Variants in MYBPH observed in about 807,000 individuals in gnomAD.
MYBPH encodes the protein myosin binding protein H, also known as myosin-binding protein H.
In MYBPH, 49 loss-of-function variants were observed where a neutral mutation model predicts 53.6. The observed-to-expected ratio is 0.91, with a 90% CI of 0.73 to 1.16. The LOEUF (loss-of-function observed/expected upper bound fraction) is 1.16. Ranked by LOEUF, MYBPH falls within the 50% of genes most tolerant of loss-of-function variation. The pLI, the probability that MYBPH is intolerant of heterozygous loss-of-function variation, is 0.00. For synonymous variants in MYBPH, 239 were observed against 249.6 expected (o/e 0.96, Z 0.40); for missense variants, 558 against 624.1 (o/e 0.89, Z 1.13).
intron 8 of MYBPH, 27 bp from the exon 9 acceptor site, chr1:203,169,119 G>A (rs1170569842): frequency 1.2e-6 from 2 of 1,611,486 alleles, no homozygotes; most frequent in African/African-American, 1.3e-5. Context: ...GAAGAGAGCT[G>A]GGGAGGTATG....
At position 203,175,682 on chromosome 1, in the gene MYBPH, G is replaced by C; in HGVS notation, c.74C>G (p.Pro25Arg). 1 of 1,614,078 alleles carries C rather than the reference G, an allele frequency of 6.2e-7. No individual in the cohort carries two copies. Among genetic ancestry groups the C allele is most frequent in the Non-Finnish European group, 8.5e-7 (1 of 1,180,000 alleles). The change falls in exon 1 of 11, where the codon CCC (proline) becomes CGC (arginine). Residue 25 changes from proline to arginine, a missense_variant. Physicochemically the swap from Pro to Arg is moderately radical, Grantham distance 103. Coordinates refer to ENST00000255416, the MANE Select transcript of MYBPH (RefSeq NM_004997.3). The part of the protein sequence containing the change: ...EETASESAKV[P>R]TAEPPGEVAV... Reference sequence around the variant, plus strand: ...CACTTCTCCGGGAGGCTCTGCTGTGGGCACCTTGGCAGATTCAGATGCGGT... The same window carrying C: ...CACTTCTCCGGGAGGCTCTGCTGTGCGCACCTTGGCAGATTCAGATGCGGT...
chr1:203,168,762 A>G, intron 9 of MYBPH, 87 bp from the exon 10 acceptor site: 1 of 1,598,020 alleles, frequency 6.3e-7, no homozygotes, highest in Non-Finnish European at 8.6e-7. Context: ...ACACCTGTCC[A>G]CCCTGCCGCT....
At chr1:203,174,645 G>A (rs1278845943) in intron 2 of MYBPH, 48 bp from the exon 3 acceptor site, 15 of 1,469,876 alleles carry the variant, frequency 1.0e-5, no homozygotes, top group African/African-American at 4.2e-5. Context: ...GGCCACAGGC[G>A]CCCCTCTCCA....
At chr1:203,170,998 G>A (rs1265444199) in intron 6 of MYBPH, 63 bp downstream of exon 6, 1 of 1,515,894 alleles carries the variant, frequency 6.6e-7, no homozygotes, top group African/African-American at 1.4e-5. Flanking sequence ...TCAGTGGGAT[G>A]GGCCTTCCCC....
chr1:203,171,146 GCATTGC>G lies in MYBPH; in HGVS notation c.842_847del (p.Cys281_Ala283delinsSer). 6.2e-7 allele frequency: 1 copy of G among 1,613,368 alleles called. No homozygotes were observed. The highest frequency in any genetic ancestry group is 8.5e-7 in the Non-Finnish European group (1 of 1,179,620). ...CTGGGGTGGCGTCCACTGAAGAGCA[GCATTGC>G]AGCCCCAGACGTCCAGGAGCCTGAT... On this transcript the variant is annotated inframe_deletion, in exon 6 of 11. Transcript: ENST00000255416. This position sits in a 1 kb window ranked among gnomAD's most constrained non-coding sequence, Gnocchi z 4.2.
rs910270309 is a variant in MYBPH, at chr1:203,175,324, C to T, written c.340+3G>A. The T allele has an allele frequency of 2.6e-6, 4 of 1,519,026 alleles. No individual in the cohort carries two copies. The highest frequency in any genetic ancestry group is 2.6e-6 in the Non-Finnish European group (3 of 1,135,852). 94.1% of individuals were successfully genotyped at this position (1,519,026 alleles called of 1,614,324 possible). A position where few individuals can be genotyped will look rare whatever the true frequency, so the allele number is the denominator to read the frequency against. On this transcript the variant is annotated splice_donor_region_variant and intron_variant, in intron 2 of 10. Transcript: ENST00000255416. ...TGTATGCAAGACTTAGCCCAGCACT[C>T]ACCTCCCTCTCTGCAGAGCTCCAGC...
chr1:203,170,291 C>G lies in MYBPH; in HGVS notation c.1093G>C (p.Asp365His), dbSNP rs1421518698. 4.3e-6 allele frequency: 7 copies of G among 1,613,982 alleles called. No individual in the cohort carries two copies. In the East Asian group the frequency reaches 1.1e-4, roughly 26 times the overall value. The change falls in exon 7 of 11, where the codon GAT (aspartate) becomes CAT (histidine). Residue 365 changes from aspartate (D) to histidine (H), a missense_variant and splice_region_variant. Physicochemically the swap from Asp to His is moderately conservative, Grantham distance 81. Coordinates refer to ENST00000255416, the MANE Select transcript of MYBPH (RefSeq NM_004997.3). ...TKELAHIQKADIAAKPKGFIE... is the reference protein window; with the variant it reads ...TKELAHIQKAHIAAKPKGFIE... The stretch of plus-strand genomic sequence containing the variant: ...CAGCCAGCTCCGGGCCCAAACCCAC[C>G]TGCCTTCTGGATGTGGGCGAGCTCC...
chr1:203,170,139 T>C, intron 7 of MYBPH, 152 bp downstream of exon 7: 1 of 871,078 alleles, frequency 1.1e-6, no homozygotes, highest in Non-Finnish European at 1.7e-6. Context: ...AGCCACTCCA[T>C]GTGTGTGTAT....
chr1:203,174,053 C>T (rs1244133205), intron 3 of MYBPH, among the ~76,000 whole-genome samples: 2 of 152,172 alleles, frequency 1.3e-5, no homozygotes, highest in Non-Finnish European at 2.9e-5. Flanking sequence ...AATCTGGAAC[C>T]CAGGCCACAG....
intron 10 of MYBPH, 103 bp downstream of exon 10, chr1:203,168,524 T>C: frequency 8.5e-7 from 1 of 1,169,782 alleles, no homozygotes; most frequent in South Asian, 1.3e-5. Context: ...TCCACAGAGC[T>C]GACCACCACC....
Position 203,171,004 on chromosome 1 carries a change from T to C in MYBPH, c.933+57A>G. 1 of 1,519,428 alleles carries C rather than the reference T, an allele frequency of 6.6e-7. No individual in the cohort carries two copies. The highest frequency in any genetic ancestry group is 8.8e-7 in the Non-Finnish European group (1 of 1,135,144). The allele number at this position is 1,519,428 out of a possible 1,614,324, so 94.1% of individuals were successfully genotyped here. Reference sequence around the variant, plus strand: ...TCCCTAGACTCAGTGGGATGGGCCTTCCCCACCACCTTGACCACTTCGTAC... The same window carrying C: ...TCCCTAGACTCAGTGGGATGGGCCTCCCCCACCACCTTGACCACTTCGTAC... On this transcript the variant is annotated intron_variant, in intron 6 of 10. Coordinates refer to ENST00000255416, the MANE Select transcript of MYBPH (RefSeq NM_004997.3). The surrounding 1 kb of genome is among the most constrained non-coding windows in gnomAD (Gnocchi z 4.2).
rs1655700375 is a variant in MYBPH at position 203,171,701 on chromosome 1, G to A, written c.598-123C>T. 1 of 1,075,332 alleles carries A rather than the reference G, an allele frequency of 9.3e-7. No individual in the cohort carries two copies. Among genetic ancestry groups the A allele is most frequent in the Admixed American group, 2.9e-5 (1 of 34,520 alleles). The allele number at this position is 1,075,332 out of a possible 1,614,324, so 66.6% of individuals were successfully genotyped here. On this transcript the variant is annotated intron_variant, in intron 4 of 10. Transcript: ENST00000255416. This position sits in a 1 kb window ranked among gnomAD's most constrained non-coding sequence, Gnocchi z 4.2. The stretch of plus-strand genomic sequence containing the variant: ...TGTCCCACTGGCCCTTCTCAGGAGG[G>A]GCAGCAGAGGCTGGAGCCACAGGTG...
intron 7 of MYBPH, among the ~76,000 whole-genome samples, chr1:203,169,628 C>A (rs941738897): frequency 6.6e-6 from 1 of 152,236 alleles, no homozygotes; most frequent in South Asian, 2.1e-4. Context: ...TGGATGCTAG[C>A]AACTCAGAGG....
Position 203,169,305 on chromosome 1 carries a change from G to A in MYBPH, c.1178C>T (p.Ser393Phe), listed in dbSNP as rs201972851. 6.2e-7 allele frequency: 1 copy of A among 1,613,732 alleles called. No individual in the cohort carries two copies. Among genetic ancestry groups the A allele is most frequent in the African/African-American group, 1.3e-5 (1 of 75,052 alleles). The change falls in exon 8 of 11, where the codon TCC (serine) becomes TTC (phenylalanine). Residue 393 changes from serine (S) to phenylalanine (F), a missense_variant. By Grantham distance (155) the Ser-to-Phe change is radical (BLOSUM62 -2). Coordinates refer to ENST00000255416, the MANE Select transcript of MYBPH (RefSeq NM_004997.3). ...SFTQPLADHT[S>F]TPGYSTQLFC... is the part of the protein sequence containing the mutation. ...CAACTGGGTGCTGTAGCCAGGGGTGGAGGTGTGGTCAGCCAGGGGCTGGGT... is the reference window on the plus strand; with the variant it reads ...CAACTGGGTGCTGTAGCCAGGGGTGAAGGTGTGGTCAGCCAGGGGCTGGGT...
At chr1:203,175,275 C>T (rs1419254945) in intron 2 of MYBPH, 52 bp downstream of exon 2, 1 of 1,504,420 alleles carries the variant, frequency 6.6e-7, no homozygotes, top group African/African-American at 1.4e-5. Context: ...GTCCCTGCAG[C>T]CCTCCATGAC....
Position 203,170,334 on chromosome 1 carries a change from G to A in MYBPH, c.1050C>T (p.Thr350=), listed in dbSNP as rs1353309074. Residue 350 remains threonine, a synonymous_variant, in exon 7 of 11, where the codon ACC becomes ACT. Coordinates refer to ENST00000255416, the MANE Select transcript of MYBPH (RefSeq NM_004997.3). Reference sequence around the variant, plus strand: ...CGAGCTCCTTGGTGACGGTGGCCGAGGTGCTGAGTCCACACAGGTTTTCTG... The same window carrying A: ...CGAGCTCCTTGGTGACGGTGGCCGAAGTGCTGAGTCCACACAGGTTTTCTG... ...VFSENLCGLS[T]SATVTKELAH... 1.9e-6 allele frequency: 3 copies of A among 1,614,162 alleles called. 1 individual carries two copies. The highest frequency in any genetic ancestry group is 2.5e-6 in the Non-Finnish European group (3 of 1,180,034).
Position 203,168,669 on chromosome 1 carries a change from G to T in MYBPH, c.1424C>A (p.Ala475Asp), listed in dbSNP as rs552578060. 15 of 1,560,844 alleles carry T rather than the reference G, an allele frequency of 9.6e-6. 1 individual carries two copies. The South Asian group carries it at 1.6e-4, about 17-fold the overall frequency. ...VDCRLEVKAS[A>D]AH ...CCTCCTCCCGTGACTTCAGTGTGCGGCTGAGGCTGGAAGAGATGCTGCAGT... is the reference window on the plus strand; with the variant it reads ...CCTCCTCCCGTGACTTCAGTGTGCGTCTGAGGCTGGAAGAGATGCTGCAGT... Residue 475 changes from alanine (A) to aspartate (D), a missense_variant, in exon 10 of 11, where the codon GCC becomes GAC. Physicochemically the swap from Ala to Asp is moderately radical, Grantham distance 126. Coordinates refer to ENST00000255416, the MANE Select transcript of MYBPH (RefSeq NM_004997.3).
At position 203,171,032 on chromosome 1, in the gene MYBPH, C is replaced by T. The variant is rs540745241; in HGVS notation, c.933+29G>A. On this transcript the variant is annotated intron_variant, in intron 6 of 10. Coordinates refer to ENST00000255416, the MANE Select transcript of MYBPH (RefSeq NM_004997.3). The surrounding 1 kb of genome is among the most constrained non-coding windows in gnomAD (Gnocchi z 4.2). ...CCACCACCTTGACCACTTCGTACCC[C>T]GACCCCACTTTGCCTCAGCCAGCCT... is the stretch of plus-strand genomic sequence containing the variant. The T allele has an allele frequency of 8.7e-5, 136 of 1,556,484 alleles. 1 individual carries two copies. In the South Asian group the frequency reaches 1.2e-3, roughly 14 times the overall value.
At position 203,169,082 on chromosome 1, in the gene MYBPH, A is replaced by T; in HGVS notation, c.1241T>A (p.Ile414Asn). 1 of 1,613,896 alleles carries T rather than the reference A, an allele frequency of 6.2e-7. No homozygotes were observed. Reference protein sequence around the residue: ...SVRASPKPKIIWMKNKMEIQG... With the variant: ...SVRASPKPKINWMKNKMEIQG... ...GATCTCCATCTTGTTTTTCATCCAG[A>T]TGATCTTGGGCTGGGAGACATGGTC... Residue 414 changes from isoleucine to asparagine, a missense_variant, in exon 9 of 11, where the codon ATC becomes AAC. Coordinates refer to ENST00000255416, the MANE Select transcript of MYBPH (RefSeq NM_004997.3).
Sources: allele counts gnomAD v4.1 joint callset (sites outside exome capture counted in the v4.1 genomes callset), GRCh38; gene constraint gnomAD v4.1.1; non-coding constraint Gnocchi (gnomAD v3.1); transcripts MANE v1.5; gene names NCBI Gene and HGNC (gene_info 2026-07-23, HGNC 2026-07-21).